The following DAB1 variants were observed in gnomAD, a reference collection of about 807,000 sequenced individuals.
DAB1 encodes the protein disabled homolog 1.
Under a neutral mutation model 64.6 loss-of-function variants are expected in DAB1, and 15 were observed. The ratio of observed to expected loss-of-function variants is 0.23; its 90% CI spans 0.16 to 0.36. The LOEUF is 0.36. Among genes scored for constraint, DAB1 ranks in the 10% least tolerant of loss-of-function variants. DAB1 has a pLI of 1.00. For synonymous variants in DAB1, 235 were observed against 251.9 expected (o/e 0.93, Z 0.64); for missense variants, 596 against 706.7 (o/e 0.84, Z 1.78).
intron 1 of DAB1, among the ~76,000 whole-genome samples, chr1:57,845,375 A>G (rs1371989574): frequency 6.6e-6 from 1 of 152,162 alleles, no homozygotes; most frequent in Admixed American, 6.5e-5. Flanking sequence ...ATGGGGAAAA[A>G]GTGAACTGAT....
chr1:58,096,290 T>C (rs1020191050), intron 5 of DAB1, among the ~76,000 whole-genome samples: 19 of 152,224 alleles, frequency 1.2e-4, no homozygotes, highest in African/African-American at 4.6e-4. Context: ...TTTACTATCA[T>C]ACTATGATAA....
chr1:58,373,404 T>G (rs200606368), intron 3 of DAB1, among the ~76,000 whole-genome samples: 13,943 of 146,136 alleles, frequency 0.095, 782 homozygotes, highest in East Asian at 0.22. Flanking sequence ...TTCCCACCTA[T>G]GAGTGAGAAT....
chr1:57,880,532 T>C (rs763545354), intron 1 of DAB1: 1 of 152,196 alleles, frequency 6.6e-6, no homozygotes, highest in Non-Finnish European at 1.5e-5. Context: ...CATGGTTTCA[T>C]ACCACCCATC....
intron 6 of DAB1, among the ~76,000 whole-genome samples, chr1:57,728,208 T>C (rs1276290785): frequency 1.3e-5 from 2 of 152,350 alleles, no homozygotes; most frequent in Middle Eastern, 3.4e-3. Flanking sequence ...CCTGTTTTTT[T>C]CTGCATTAAA....
At chr1:57,818,598 C>T (rs1482302680) in intron 6 of DAB1, among the ~76,000 whole-genome samples, 1 of 151,944 alleles carries the variant, frequency 6.6e-6, no homozygotes, top group Non-Finnish European at 1.5e-5. Context: ...CATACATTCT[C>T]TTATTTAATG....
intron 3 of DAB1, among the ~76,000 whole-genome samples, chr1:58,385,082 A>C (rs1644421929): frequency 6.6e-6 from 1 of 152,264 alleles, no homozygotes; most frequent in South Asian, 2.1e-4. Flanking sequence ...AAGTGTTCTT[A>C]CTATAAAAAC....
chr1:57,282,118 C>T (rs146943599), intron 2 of DAB1, among the ~76,000 whole-genome samples: 3,084 of 139,106 alleles, frequency 0.022, 48 homozygotes, highest in South Asian at 0.027. Flanking sequence ...GGGAGGCAGA[C>T]ATTGCAGTGA....
chr1:58,518,389 A>G (rs183082310), intron 2 of DAB1, among the ~76,000 whole-genome samples: 2 of 151,258 alleles, frequency 1.3e-5, no homozygotes, highest in Admixed American at 6.6e-5. Flanking sequence ...AAAAGAAAAG[A>G]AAAAAGAAAA....
chr1:57,793,254 T>C (rs2101861430), intron 6 of DAB1, among the ~76,000 whole-genome samples: 1 of 152,344 alleles, frequency 6.6e-6, no homozygotes, highest in East Asian at 1.9e-4. Flanking sequence ...GTTTTCTCTA[T>C]TACCTTGTAA....
At chr1:57,918,049 C>A (rs1177893603) in intron 5 of DAB1, among the ~76,000 whole-genome samples, 1 of 150,276 alleles carries the variant, frequency 6.7e-6, no homozygotes, top group Non-Finnish European at 1.5e-5. Flanking sequence ...GCCGGGGTGA[C>A]AGAGTGAGAC....
At chr1:57,576,874 G>A (rs761179232) in intron 7 of DAB1, among the ~76,000 whole-genome samples, 4 of 152,116 alleles carry the variant, frequency 2.6e-5, no homozygotes, top group Non-Finnish European at 5.9e-5. Flanking sequence ...ATATGCCCTC[G>A]GCCGCTTGCC....
Position 58,132,506 on chromosome 1 carries a change from A to T in DAB1, n.387+18005T>A, listed in dbSNP as rs930995949. ...CCCCCCGGGGCCAATCTTTTTCAAAACATCAGTCTTAAAAGTAGGTTGTCT... is the reference window on the plus strand; with the variant it reads ...CCCCCCGGGGCCAATCTTTTTCAAATCATCAGTCTTAAAAGTAGGTTGTCT... On this transcript the variant is annotated intron_variant and non_coding_transcript_variant, in intron 5 of 20. Coordinates refer to the DAB1 transcript ENST00000485760. 5.3e-5 allele frequency among the ~76,000 whole-genome samples: 8 copies of T among 152,026 alleles called. No homozygotes were observed. In the South Asian group the frequency reaches 1.7e-3, roughly 32 times the overall value.
intron 1 of DAB1, among the ~76,000 whole-genome samples, chr1:57,299,308 T>G (rs1673444411): frequency 6.6e-6 from 1 of 152,214 alleles, no homozygotes; most frequent in Non-Finnish European, 1.5e-5. Context: ...TAGAATAATC[T>G]TATAGATTTA....
intron 4 of DAB1, among the ~76,000 whole-genome samples, chr1:58,159,916 T>C (rs1655430715): frequency 6.6e-6 from 1 of 152,154 alleles, no homozygotes; most frequent in South Asian, 2.1e-4. Flanking sequence ...CTCCACTATA[T>C]TTCAATCTGT....
intron 1 of DAB1, among the ~76,000 whole-genome samples, chr1:57,316,103 T>A (rs1675183007): frequency 6.6e-6 from 1 of 152,176 alleles, no homozygotes; most frequent in South Asian, 2.1e-4. Flanking sequence ...CCTAAACCAG[T>A]GCTGTGTCTA....
At chr1:58,462,917 G>A (rs185034592) in intron 3 of DAB1, 1 of 152,170 alleles carries the variant, frequency 6.6e-6, no homozygotes, top group Non-Finnish European at 1.5e-5. Flanking sequence ...GACAACTGTC[G>A]TTCTTATTGT....
rs184326640 is a variant in DAB1 at position 56,999,045 on chromosome 1, C to T, written c.*16-917G>A. Among the ~76,000 whole-genome samples the T allele has an allele frequency of 2.6e-3, 394 of 152,254 alleles. 9 individuals are homozygous for T. Among genetic ancestry groups the T allele is most frequent in the Admixed American group, 0.024 (366 of 15,296 alleles). ...CTTGGAGGTCTGTGCCAGAATTAAA[C>T]GGGCACAATGAAATCCTAATTTTAC... On this transcript the variant is annotated intron_variant, in intron 14 of 14. Transcript: ENST00000371236.
intron 7 of DAB1, among the ~76,000 whole-genome samples, chr1:57,469,684 T>C (rs953617303): frequency 1.3e-5 from 2 of 152,188 alleles, no homozygotes; most frequent in African/African-American, 4.8e-5. Context: ...TTGAACCACC[T>C]AGATTGAATT....
At chr1:58,049,366 A>G (rs1275604515) in intron 5 of DAB1, 5 of 597,648 alleles carry the variant, frequency 8.4e-6, no homozygotes, top group Non-Finnish European at 1.5e-5. Flanking sequence ...AAGCTGACGA[A>G]TGTATCTTAA....
Sources: allele counts gnomAD v4.1 joint callset (sites outside exome capture counted in the v4.1 genomes callset), GRCh38; gene constraint gnomAD v4.1.1; transcripts MANE v1.5; gene names NCBI Gene and HGNC (gene_info 2026-07-23, HGNC 2026-07-21).